SPATA22: variants seen among roughly 807,000 people sequenced by gnomAD.
The protein encoded by SPATA22 is spermatogenesis-associated protein 22.
SPATA22 carries 29 observed loss-of-function variants against 47.8 expected under a neutral mutation model. That is an observed-to-expected ratio of 0.61 (90% CI 0.45 to 0.83). The LOEUF (loss-of-function observed/expected upper bound fraction) is 0.83, where lower values mean the gene tolerates loss of function less well. SPATA22 is among the 40% of genes least tolerant of loss of function. The pLI, the probability that SPATA22 is intolerant of heterozygous loss-of-function variation, is 0.00. For missense variants in SPATA22, 410 were observed against 421.7 expected, an observed-to-expected ratio of 0.97 and a Z score of 0.24; for synonymous variants, 133 against 140.9, an observed-to-expected ratio of 0.94 and a Z score of 0.40.
upstream of SPATA22, chr17:3,471,923 C>T (rs2073448429): frequency 6.5e-6 from 6 of 929,830 alleles, no homozygotes; most frequent in East Asian, 1.2e-4. Flanking sequence ...GGCGCGATGA[C>T]GTTAACGCTC....
intron 2 of SPATA22, chr17:3,468,914 GC>G: frequency 1.1e-6 from 1 of 918,792 alleles, no homozygotes; most frequent in Non-Finnish European, 1.3e-6. Flanking sequence ...AATTGGGAAA[GC>G]AAAAATGATA....
chr17:3,481,418 G>A (rs905767789), intron 1 of SPATA22, among the ~76,000 whole-genome samples: 1 of 152,184 alleles, frequency 6.6e-6, no homozygotes, highest in African/African-American at 2.4e-5. Flanking sequence ...TAGTTATATG[G>A]AATCAAATGA....
At chr17:3,461,394 C>G (rs966016762) in intron 5 of SPATA22, among the ~76,000 whole-genome samples, 2 of 152,174 alleles carry the variant, frequency 1.3e-5, no homozygotes, top group Non-Finnish European at 2.9e-5. Flanking sequence ...AACAGTCTGA[C>G]AGCTCATGTA....
At chr17:3,440,990 T>G (rs2072585291) in intron 8 of SPATA22, 2 of 152,002 alleles carry the variant, frequency 1.3e-5, no homozygotes, top group Non-Finnish European at 1.5e-5. Context: ...CCACCCCCAC[T>G]CAGACCTGAA....
chr17:3,510,064 C>A (rs1318727872), intron 1 of SPATA22, among the ~76,000 whole-genome samples: 2 of 151,964 alleles, frequency 1.3e-5, no homozygotes, highest in Non-Finnish European at 1.5e-5. Flanking sequence ...GGATATTAGA[C>A]CTTTGTCAGA....
intron 3 of SPATA22, among the ~76,000 whole-genome samples, chr17:3,464,600 G>A (rs540057517): frequency 1.5e-4 from 20 of 137,646 alleles, no homozygotes; most frequent in South Asian, 4.7e-4. Flanking sequence ...GCCGCCCATC[G>A]TCTGAGATGT....
intron 1 of SPATA22, among the ~76,000 whole-genome samples, chr17:3,491,358 T>C (rs1006496421): frequency 6.6e-6 from 1 of 152,174 alleles, no homozygotes. Flanking sequence ...GAACTGTAAA[T>C]AAATTCTGAG....
intron 1 of SPATA22, among the ~76,000 whole-genome samples, chr17:3,509,926 G>C (rs1461884440): frequency 6.6e-6 from 1 of 152,256 alleles, no homozygotes; most frequent in East Asian, 1.9e-4. Flanking sequence ...GTGATGATGA[G>C]CTTTTTTTCA....
At chr17:3,477,640 G>A (rs1398028722) in intron 1 of SPATA22, among the ~76,000 whole-genome samples, 2 of 151,960 alleles carry the variant, frequency 1.3e-5, no homozygotes, top group Non-Finnish European at 2.9e-5. Context: ...TTTTAGTAGA[G>A]ACGGGGTTTC....
chr17:3,467,361 A>G, intron 3 of SPATA22, 65 bp downstream of exon 3: 1 of 1,279,002 alleles, frequency 7.8e-7, no homozygotes, highest in Non-Finnish European at 1.1e-6. Flanking sequence ...TATAATATAA[A>G]TTACAATTTT....
intron 1 of SPATA22, chr17:3,481,937 T>C (rs745511923): frequency 1.1e-4 from 92 of 809,332 alleles, no homozygotes; most frequent in Admixed American, 1.8e-4. Flanking sequence ...GGCTTGGTGG[T>C]TGGGGGGAAA....
chr17:3,460,427 A>C (rs1454876629), intron 5 of SPATA22, among the ~76,000 whole-genome samples: 1 of 152,126 alleles, frequency 6.6e-6, no homozygotes, highest in Non-Finnish European at 1.5e-5. Context: ...TAATATCCTT[A>C]TCTTCCCTTA....
chr17:3,499,182 T>C, intron 1 of SPATA22: 1 of 1,360,050 alleles, frequency 7.4e-7, no homozygotes. Flanking sequence ...TTCAACTGCA[T>C]ACATAGCTCC....
At chr17:3,487,086 GATC>G (rs1165079263) in intron 1 of SPATA22, among the ~76,000 whole-genome samples, 3 of 151,988 alleles carry the variant, frequency 2.0e-5, no homozygotes, top group African/African-American at 7.3e-5. Flanking sequence ...GTGTGTGTGT[GATC>G]ATAAGAGTGG....
chr17:3,464,633 C>A (rs1169712838), intron 3 of SPATA22, among the ~76,000 whole-genome samples: 1 of 149,156 alleles, frequency 6.7e-6, no homozygotes, highest in East Asian at 2.0e-4. Context: ...TGCCCCGCCG[C>A]CCCATCTGGG....
chr17:3,460,037 G>C (rs2073091649), intron 5 of SPATA22, among the ~76,000 whole-genome samples: 1 of 152,210 alleles, frequency 6.6e-6, no homozygotes, highest in Non-Finnish European at 1.5e-5. Context: ...AATTCTGGGT[G>C]AATCAGAGCA....
At chr17:3,503,702 T>G (rs562963042) in intron 1 of SPATA22, among the ~76,000 whole-genome samples, 36 of 152,358 alleles carry the variant, frequency 2.4e-4, no homozygotes, top group African/African-American at 5.3e-4. Context: ...GTGGTTGGTT[T>G]GTTTGTTTTT....
At chr17:3,457,827 T>C (rs1039713485) in intron 5 of SPATA22, among the ~76,000 whole-genome samples, 6 of 152,212 alleles carry the variant, frequency 3.9e-5, no homozygotes, top group Admixed American at 3.9e-4. Flanking sequence ...CAACTCAACA[T>C]GGATTAAAGA....
At chr17:3,494,863 A>G (rs902252129) in intron 1 of SPATA22, among the ~76,000 whole-genome samples, 5 of 152,158 alleles carry the variant, frequency 3.3e-5, no homozygotes, top group African/African-American at 1.2e-4. Flanking sequence ...AATATAAGGA[A>G]ATACAGGGAC....
Sources: allele counts gnomAD v4.1 joint callset (sites outside exome capture counted in the v4.1 genomes callset), GRCh38; gene constraint gnomAD v4.1.1; transcripts MANE v1.5; gene names NCBI Gene and HGNC (gene_info 2026-07-23, HGNC 2026-07-21).